ARB2A: variants seen among roughly 807,000 people sequenced by gnomAD.
ARB2A encodes ARB2 cotranscriptional regulator A, also known as cotranscriptional regulator ARB2A.
the ARB2A span, among the ~76,000 whole-genome samples, chr5:93,709,641 A>AAC: frequency 6.7e-6 from 1 of 149,606 alleles, no homozygotes; most frequent in African/African-American, 2.4e-5. Context: ...ACAAAAAAAA[A>AAC]AAAAAAAAAA....
chr5:94,011,517 T>C, the ARB2A span, among the ~76,000 whole-genome samples: 4 of 152,190 alleles, frequency 2.6e-5, no homozygotes, highest in Admixed American at 2.6e-4. Flanking sequence ...GAAATACATG[T>C]TAATAACTAA....
the ARB2A span, among the ~76,000 whole-genome samples, chr5:93,993,038 A>G: frequency 6.6e-6 from 1 of 152,114 alleles, no homozygotes; most frequent in South Asian, 2.1e-4. Flanking sequence ...TAAACTCTGA[A>G]GGCTTATGAA....
the ARB2A span, among the ~76,000 whole-genome samples, chr5:93,814,897 G>A: frequency 1.3e-5 from 2 of 152,194 alleles, no homozygotes; most frequent in African/African-American, 4.8e-5. Context: ...GAGTGTGGTG[G>A]TGTGATCATA....
the ARB2A span, among the ~76,000 whole-genome samples, chr5:94,013,156 GAC>G: frequency 6.7e-3 from 1,013 of 150,232 alleles, 6 homozygotes; most frequent in African/African-American, 7.9e-3. Flanking sequence ...CATGAACAGA[GAC>G]AGTTTCAGTA....
the ARB2A span, among the ~76,000 whole-genome samples, chr5:93,770,207 T>A: frequency 9.2e-5 from 14 of 152,158 alleles, no homozygotes; most frequent in African/African-American, 3.1e-4. Flanking sequence ...TGCAACCACC[T>A]GCTGTGCAAC....
the ARB2A span, among the ~76,000 whole-genome samples, chr5:93,888,331 G>T: frequency 6.6e-6 from 1 of 151,636 alleles, no homozygotes; most frequent in Non-Finnish European, 1.5e-5. Flanking sequence ...ATACCCACAC[G>T]TTTATACATT....
the ARB2A span, among the ~76,000 whole-genome samples, chr5:93,981,702 G>A: frequency 4.6e-5 from 7 of 152,006 alleles, no homozygotes; most frequent in East Asian, 1.4e-3. Flanking sequence ...ATTTTAGGGT[G>A]AAAGGGTAGC....
the ARB2A span, among the ~76,000 whole-genome samples, chr5:93,785,339 T>C: frequency 6.6e-6 from 1 of 152,188 alleles, no homozygotes; most frequent in South Asian, 2.1e-4. Flanking sequence ...AATACTAACC[T>C]TGCATTTCAT....
the ARB2A span, chr5:93,881,311 T>G: frequency 1.9e-6 from 1 of 535,388 alleles, no homozygotes; most frequent in Non-Finnish European, 3.2e-6. Flanking sequence ...TTTGTAATTC[T>G]GAATTTAAAA....
chr5:93,646,778 A>G, the ARB2A span, among the ~76,000 whole-genome samples: 1 of 152,218 alleles, frequency 6.6e-6, no homozygotes, highest in East Asian at 1.9e-4. Context: ...ACAAATTTAA[A>G]TATATAATAT....
At chr5:94,075,913 C>T in the ARB2A span, among the ~76,000 whole-genome samples, 82 of 152,188 alleles carry the variant, frequency 5.4e-4, 1 homozygote, top group East Asian at 0.011. Context: ...TAAGAACTAC[C>T]GATGAGCCCT....
At chr5:94,105,913 G>A in the ARB2A span, among the ~76,000 whole-genome samples, 4 of 152,140 alleles carry the variant, frequency 2.6e-5, no homozygotes, top group East Asian at 3.9e-4. Flanking sequence ...AGAGTGCTGG[G>A]ATAACTGCCT....
At chr5:93,655,999 T>C in the ARB2A span, among the ~76,000 whole-genome samples, 1 of 152,214 alleles carries the variant, frequency 6.6e-6, no homozygotes, top group Admixed American at 6.5e-5. Context: ...CTGACTAAAA[T>C]GTAAACTCCT....
chr5:93,895,670 T>C, the ARB2A span, among the ~76,000 whole-genome samples: 2 of 152,048 alleles, frequency 1.3e-5, no homozygotes, highest in Non-Finnish European at 2.9e-5. Context: ...CAGGAACATA[T>C]ATCATTCATT....
chr5:93,806,867 G>C, the ARB2A span, among the ~76,000 whole-genome samples: 1 of 151,844 alleles, frequency 6.6e-6, no homozygotes, highest in Non-Finnish European at 1.5e-5. Context: ...TTCAGAAATA[G>C]TGACCTGTTA....
At chr5:93,827,270 T>A in the ARB2A span, among the ~76,000 whole-genome samples, 4 of 152,220 alleles carry the variant, frequency 2.6e-5, no homozygotes, top group Non-Finnish European at 4.4e-5. Context: ...GTTTCCTGAC[T>A]TTTTAATGAT....
At chr5:93,628,639 A>C in the ARB2A span, among the ~76,000 whole-genome samples, 1 of 152,232 alleles carries the variant, frequency 6.6e-6, no homozygotes, top group Non-Finnish European at 1.5e-5. Context: ...ATACAGCAGT[A>C]CTTGCTGCTT....
At chr5:94,077,782 G>A in the ARB2A span, among the ~76,000 whole-genome samples, 1 of 152,194 alleles carries the variant, frequency 6.6e-6, no homozygotes, top group South Asian at 2.1e-4. Context: ...TTGACATGTT[G>A]TATACTTCAT....
At chr5:93,894,639 A>G in the ARB2A span, among the ~76,000 whole-genome samples, 2 of 152,128 alleles carry the variant, frequency 1.3e-5, no homozygotes, top group African/African-American at 4.8e-5. Context: ...CTTTTCATCA[A>G]GGGTGGCTTA....
Sources: gnomAD v4.1 joint callset for allele counts (sites outside exome capture counted in the v4.1 genomes callset) on GRCh38, gnomAD v4.1.1 for gene constraint, MANE v1.5 for transcripts, NCBI Gene and HGNC (gene_info 2026-07-23, HGNC 2026-07-21) for gene names.